Variants in KMT2A observed in about 807,000 individuals in gnomAD.
KMT2A encodes the protein lysine methyltransferase 2A, also known as histone-lysine N-methyltransferase 2A.
KMT2A carries 16 observed loss-of-function variants against 345.3 expected under a neutral mutation model. The ratio of observed to expected loss-of-function variants is 0.05; its 90% CI spans 0.03 to 0.07. The LOEUF is 0.07. KMT2A is among the 10% of genes least tolerant of loss of function. The pLI is 1.00. For synonymous variants in KMT2A, 1,599 were observed against 1,778.6 expected (o/e 0.90, Z 2.54); for missense variants, 3,272 against 4,841.6 (o/e 0.68, Z 9.62).
intron 1 of KMT2A, among the ~76,000 whole-genome samples, chr11:118,459,471 T>C (rs1555031899): frequency 6.6e-6 from 1 of 152,170 alleles, no homozygotes; most frequent in African/African-American, 2.4e-5. Flanking sequence ...TGCTGTGAAG[T>C]ACCTAGGAGT....
chr11:118,505,882 A>G lies in KMT2A; in HGVS notation c.9990A>G (p.Thr3330=), dbSNP rs782068152. 3.1e-6 allele frequency: 5 copies of G among 1,614,034 alleles called. No individual in the cohort carries two copies. In the East Asian group the frequency reaches 8.9e-5, roughly 29 times the overall value. The change falls in exon 27 of 36, where the codon ACA becomes ACG. Residue 3330 remains threonine, a synonymous_variant. Coordinates refer to ENST00000534358, the MANE Select transcript of KMT2A (RefSeq NM_001197104.2). The surrounding 1 kb of genome is among the most constrained non-coding windows in gnomAD (Gnocchi z 4.6). ...TAAGCCAGGATACTAGCCACCTCAC[A>G]TCAGGGTCTGTGTCTGGCTTGGCAT... is the stretch of plus-strand genomic sequence containing the variant. ...STISQDTSHL[T]SGSVSGLASS...
chr11:118,510,840 G>A lies in KMT2A; in HGVS notation c.11071+722G>A, dbSNP rs1411679020. 6.6e-6 allele frequency among the ~76,000 whole-genome samples: 1 copy of A among 152,126 alleles called. No individual in the cohort carries two copies. The highest frequency in any genetic ancestry group is 1.5e-5 in the Non-Finnish European group (1 of 68,002). On this transcript the variant is annotated intron_variant, in intron 30 of 35. Transcript: ENST00000534358. The surrounding 1 kb of genome is among the most constrained non-coding windows in gnomAD (Gnocchi z 4.1). ...GTTAGGGTTATCAAAAACCCATGAA[G>A]ATAAATAGAAGATTCTATTAAAGGA...
chr11:118,503,757 G>A lies in KMT2A; in HGVS notation c.7865G>A (p.Arg2622His), dbSNP rs1236330825. 1 of 1,614,042 alleles carries A rather than the reference G, an allele frequency of 6.2e-7. No homozygotes were observed. The highest frequency in any genetic ancestry group is 1.3e-5 in the African/African-American group (1 of 74,904). The change falls in exon 27 of 36, where the codon CGC becomes CAC. Residue 2622 changes from arginine to histidine, a missense_variant. Transcript: ENST00000534358. The surrounding 1 kb of genome is among the most constrained non-coding windows in gnomAD (Gnocchi z 5.3). ...DGSFKRRYPR[R>H]SARARSNMFF... ...TCTTTTAAAAGGAGGTATCCCCGTC[G>A]CAGTGCCCGTGCACGTTCTAACATG... is the stretch of plus-strand genomic sequence containing the variant.
intron 1 of KMT2A, among the ~76,000 whole-genome samples, chr11:118,438,857 A>G (rs1469836623): frequency 2.0e-5 from 3 of 152,082 alleles, no homozygotes; most frequent in African/African-American, 7.2e-5. Context: ...GTTCCTTGCT[A>G]TGTAGCTAGC....
chr11:118,496,000 A>C lies in KMT2A; in HGVS notation c.5557+107A>C, dbSNP rs1950403441. On this transcript the variant is annotated intron_variant, in intron 19 of 35. Transcript: ENST00000534358. This position sits in a 1 kb window ranked among gnomAD's most constrained non-coding sequence, Gnocchi z 4.1. Reference sequence around the variant, plus strand: ...AGATATACTTGGATATCAGAAAGGAATTTTCAGGTCATCCTTAAATGTAAT... The same window carrying C: ...AGATATACTTGGATATCAGAAAGGACTTTTCAGGTCATCCTTAAATGTAAT... 2 of 1,035,346 alleles carry C rather than the reference A, an allele frequency of 1.9e-6. No homozygotes were observed. The highest frequency in any genetic ancestry group is 2.9e-6 in the Non-Finnish European group (2 of 697,544). 64.1% of individuals were successfully genotyped at this position (1,035,346 alleles called of 1,614,324 possible).
Position 118,476,747 on chromosome 11 carries a change from T to C in KMT2A, c.3157-58T>C. 1 of 1,446,636 alleles carries C rather than the reference T, an allele frequency of 6.9e-7. No homozygotes were observed. Among genetic ancestry groups the C allele is most frequent in the Non-Finnish European group, 9.5e-7 (1 of 1,052,994 alleles). 89.6% of individuals were successfully genotyped at this position (1,446,636 alleles called of 1,614,324 possible). On this transcript the variant is annotated intron_variant, in intron 3 of 35. Coordinates refer to ENST00000534358, the MANE Select transcript of KMT2A (RefSeq NM_001197104.2). The surrounding 1 kb of genome is among the most constrained non-coding windows in gnomAD (Gnocchi z 4.1). The stretch of plus-strand genomic sequence containing the variant: ...ATTGATTAAGTATACCTTGGCTTCG[T>C]TCAGTTATAATTTCAACATGTATGG...
At position 118,504,429 on chromosome 11, in the gene KMT2A, A is replaced by C. The variant is rs782222821; in HGVS notation, c.8537A>C (p.Asn2846Thr). The change falls in exon 27 of 36, where the codon AAT becomes ACT. Residue 2846 changes from asparagine (N) to threonine (T), a missense_variant. Transcript: ENST00000534358. This position sits in a 1 kb window ranked among gnomAD's most constrained non-coding sequence, Gnocchi z 6.4. Reference protein sequence around the residue: ...SDNNNSDDCGNILPSDIMDFV... With the variant: ...SDNNNSDDCGTILPSDIMDFV... Reference sequence around the variant, plus strand: ...AATAACAACAGTGATGACTGTGGGAATATCCTGCCTTCAGACATTATGGAC... The same window carrying C: ...AATAACAACAGTGATGACTGTGGGACTATCCTGCCTTCAGACATTATGGAC... The C allele has an allele frequency of 3.1e-6, 5 of 1,614,070 alleles. No homozygotes were observed. The highest frequency in any genetic ancestry group is 2.2e-5 in the East Asian group (1 of 44,900).
chr11:118,492,932 T>G, intron 15 of KMT2A, 125 bp from the exon 16 acceptor site: 1 of 753,178 alleles, frequency 1.3e-6, no homozygotes, highest in South Asian at 2.3e-5. Flanking sequence ...AATCTGATTA[T>G]TTTCATGTTC....
rs2135299031 is a variant in KMT2A, at chr11:118,522,057, G to A, written c.11804G>A (p.Arg3935His). The change falls in exon 36 of 36, where the codon CGT (arginine) becomes CAT (histidine). Residue 3935 changes from arginine (R) to histidine (H), a missense_variant. This residue lies in a region of KMT2A where 78 missense variants were observed against 254.5 expected (regional missense o/e 0.31). Coordinates refer to ENST00000534358, the MANE Select transcript of KMT2A (RefSeq NM_001197104.2). This position sits in a 1 kb window ranked among gnomAD's most constrained non-coding sequence, Gnocchi z 5.4. ...AAGCACATTGTCATCTTTGCCATGC[G>A]TAAGATCTACCGAGGAGAGGAACTC... ...GQKHIVIFAM[R>H]KIYRGEELTY... The A allele has an allele frequency of 6.2e-7, 1 of 1,614,200 alleles. No homozygotes were observed. The highest frequency in any genetic ancestry group is 8.5e-7 in the Non-Finnish European group (1 of 1,180,034).
chr11:118,503,926 T>A lies in KMT2A; in HGVS notation c.8034T>A (p.Asp2678Glu). The change falls in exon 27 of 36, where the codon GAT becomes GAA. Residue 2678 changes from aspartate (D) to glutamate (E), a missense_variant. Physicochemically the swap from Asp to Glu is conservative, Grantham distance 45. Coordinates refer to ENST00000534358, the MANE Select transcript of KMT2A (RefSeq NM_001197104.2). The surrounding 1 kb of genome is among the most constrained non-coding windows in gnomAD (Gnocchi z 5.3). ...GGGCCGATGACTTAAGCACTTCAGA[T>A]GAAGACGACTTATACTATTACAACT... Reference protein sequence around the residue: ...VDGADDLSTSDEDDLYYYNFT... With the variant: ...VDGADDLSTSEEDDLYYYNFT... 6.2e-7 allele frequency: 1 copy of A among 1,614,212 alleles called. No individual in the cohort carries two copies. The highest frequency in any genetic ancestry group is 8.5e-7 in the Non-Finnish European group (1 of 1,180,038).
At chr11:118,515,994 C>T (rs1399448232) in intron 31 of KMT2A, among the ~76,000 whole-genome samples, 1 of 152,074 alleles carries the variant, frequency 6.6e-6, no homozygotes, top group African/African-American at 2.4e-5. Context: ...ATTTCTAAGC[C>T]AGTCTCTGGC....
In KMT2A at chr11:118,482,602, T is replaced by G. The variant is rs1401827603; in HGVS notation, c.4086+107T>G. On this transcript the variant is annotated intron_variant, in intron 8 of 35. Coordinates refer to ENST00000534358, the MANE Select transcript of KMT2A (RefSeq NM_001197104.2). ...TAGATGGCAGTGGAATTTCTTAAAATTAAGAAACTTCAAGTTTAGGCTTTT... is the reference window on the plus strand; with the variant it reads ...TAGATGGCAGTGGAATTTCTTAAAAGTAAGAAACTTCAAGTTTAGGCTTTT... 7.3e-6 allele frequency: 6 copies of G among 820,264 alleles called. No homozygotes were observed. The Admixed American group carries it at 1.4e-4, about 20-fold the overall frequency. 50.8% of individuals were successfully genotyped at this position (820,264 alleles called of 1,614,324 possible).
At position 118,490,292 on chromosome 11, in the gene KMT2A, T is replaced by C; in HGVS notation, c.4696+43T>C. The C allele has an allele frequency of 6.6e-7, 1 of 1,515,158 alleles. No homozygotes were observed. Among genetic ancestry groups the C allele is most frequent in the Non-Finnish European group, 8.8e-7 (1 of 1,141,078 alleles). 93.9% of individuals were successfully genotyped at this position (1,515,158 alleles called of 1,614,324 possible). On this transcript the variant is annotated intron_variant, in intron 13 of 35. Coordinates refer to ENST00000534358, the MANE Select transcript of KMT2A (RefSeq NM_001197104.2). The surrounding 1 kb of genome is among the most constrained non-coding windows in gnomAD (Gnocchi z 4.2). Reference sequence around the variant, plus strand: ...TTTTGCCAGCTTTCGGAGGTTGTACTTGGTGTTCTGGAGGTGAACTAGACT... The same window carrying C: ...TTTTGCCAGCTTTCGGAGGTTGTACCTGGTGTTCTGGAGGTGAACTAGACT...
chr11:118,520,272 C>T lies in KMT2A; in HGVS notation c.11429+208C>T, dbSNP rs1055113077. 1 of 552,320 alleles carries T rather than the reference C, an allele frequency of 1.8e-6. No individual in the cohort carries two copies. Among genetic ancestry groups the T allele is most frequent in the Non-Finnish European group, 3.2e-6 (1 of 313,222 alleles). The allele number at this position is 552,320 out of a possible 1,614,324, so 34.2% of individuals were successfully genotyped here. On this transcript the variant is annotated intron_variant, in intron 33 of 35. Transcript: ENST00000534358. This position sits in a 1 kb window ranked among gnomAD's most constrained non-coding sequence, Gnocchi z 4.3. The stretch of plus-strand genomic sequence containing the variant: ...GAGAAATTCAAAGAACTGTAAGATG[C>T]CTGTTTTCTTTAATGATAGTATACT...
In KMT2A at chr11:118,503,412, A is replaced by G; in HGVS notation, c.7520A>G (p.Gln2507Arg). The change falls in exon 27 of 36, where the codon CAA becomes CGA. Residue 2507 changes from glutamine (Q) to arginine (R), a missense_variant. Physicochemically the swap from Gln to Arg is conservative, Grantham distance 43 (BLOSUM62 1). Around this residue, in one of 27 missense-constraint regions of KMT2A, gnomAD observed 445 missense variants for 500.9 expected, o/e 0.89. Coordinates refer to ENST00000534358, the MANE Select transcript of KMT2A (RefSeq NM_001197104.2). The surrounding 1 kb of genome is among the most constrained non-coding windows in gnomAD (Gnocchi z 5.3). ...GGAGTCCCCAAAGCTCCACCCATGCAAGTAGAAGGATCTGCCAAGGAATTA... is the reference window on the plus strand; with the variant it reads ...GGAGTCCCCAAAGCTCCACCCATGCGAGTAGAAGGATCTGCCAAGGAATTA... ...MPGVPKAPPM[Q>R]VEGSAKELQA... 6.2e-7 allele frequency: 1 copy of G among 1,614,102 alleles called. No homozygotes were observed. Among genetic ancestry groups the G allele is most frequent in the Non-Finnish European group, 8.5e-7 (1 of 1,179,978 alleles).
intron 1 of KMT2A, among the ~76,000 whole-genome samples, chr11:118,455,320 A>G (rs1403795168): frequency 6.6e-6 from 1 of 152,204 alleles, no homozygotes; most frequent in Non-Finnish European, 1.5e-5. Flanking sequence ...GGCAATACTC[A>G]ATAAATACTT....
chr11:118,505,067 C>G lies in KMT2A; in HGVS notation c.9175C>G (p.Pro3059Ala). ...GCCCAATTCTACTGATAGTCCTGGC[C>G]CGTCTCAGATTTCCAATGCAGCTGT... ...YVPNSTDSPG[P>A]SQISNAAVQT... Residue 3059 changes from proline (P) to alanine (A), a missense_variant, in exon 27 of 36, where the codon CCG (proline) becomes GCG (alanine). By Grantham distance (27) the Pro-to-Ala change is conservative. This residue lies in a region of KMT2A where 748 missense variants were observed against 922.2 expected (regional missense o/e 0.81). Coordinates refer to ENST00000534358, the MANE Select transcript of KMT2A (RefSeq NM_001197104.2). This position sits in a 1 kb window ranked among gnomAD's most constrained non-coding sequence, Gnocchi z 4.6. 1 of 1,614,106 alleles carries G rather than the reference C, an allele frequency of 6.2e-7. No individual in the cohort carries two copies. The highest frequency in any genetic ancestry group is 8.5e-7 in the Non-Finnish European group (1 of 1,180,024).
rs1555036940 is a variant in KMT2A, at chr11:118,474,331, T to C, written c.3156+16T>C. 1.9e-6 allele frequency: 3 copies of C among 1,606,738 alleles called. No homozygotes were observed. Among genetic ancestry groups the C allele is most frequent in the Admixed American group, 3.4e-5 (2 of 59,120 alleles). ...CAAAGCACAGGTACTCTTTTCCACCTTGCCTATTAAAACTAACAGTTTATT... is the reference window on the plus strand; with the variant it reads ...CAAAGCACAGGTACTCTTTTCCACCCTGCCTATTAAAACTAACAGTTTATT... On this transcript the variant is annotated intron_variant, in intron 3 of 35. Transcript: ENST00000534358.
intron 3 of KMT2A, among the ~76,000 whole-genome samples, chr11:118,475,815 G>A (rs529588768): frequency 7.2e-5 from 11 of 152,342 alleles, no homozygotes; most frequent in South Asian, 2.1e-4. Context: ...GCAGGAATGT[G>A]ATGGGACTTA....
Sources: gnomAD v4.1 joint callset for allele counts (sites outside exome capture counted in the v4.1 genomes callset) on GRCh38, gnomAD v4.1.1 for gene constraint, gnomAD v4.1.1 regional missense constraint, Gnocchi (gnomAD v3.1) non-coding constraint, MANE v1.5 for transcripts, NCBI Gene and HGNC (gene_info 2026-07-23, HGNC 2026-07-21) for gene names.